Variants in PLD5 observed in about 807,000 individuals in gnomAD.
The protein encoded by PLD5 is inactive phospholipase D5.
PLD5 carries 36 observed loss-of-function variants against 61.1 expected under a neutral mutation model. The observed-to-expected ratio is 0.59, with a 90% CI of 0.45 to 0.78. The LOEUF (loss-of-function observed/expected upper bound fraction) is 0.78, where lower values mean the gene tolerates loss of function less well. Ranked by LOEUF, PLD5 falls within the 30% of genes least tolerant of loss-of-function variation. The probability of loss-of-function intolerance (pLI) is 0.00; values close to 1 mark genes in which losing one functional copy is unlikely to be tolerated. For missense variants in PLD5, 515 were observed against 644.4 expected (o/e 0.80, Z 2.17); for synonymous variants, 243 against 242.8 (o/e 1.00, Z -0.01).
At chr1:242,163,581 A>G (rs1666056159) in intron 5 of PLD5, among the ~76,000 whole-genome samples, 1 of 152,184 alleles carries the variant, frequency 6.6e-6, no homozygotes, top group Non-Finnish European at 1.5e-5. Context: ...TCATCATGTC[A>G]GAAAATAAAT....
chr1:242,254,788 C>A (rs1672925535), intron 4 of PLD5, among the ~76,000 whole-genome samples: 1 of 152,228 alleles, frequency 6.6e-6, no homozygotes, highest in Non-Finnish European at 1.5e-5. Flanking sequence ...ACAAAAGTAC[C>A]TGTTCCTAGT....
At chr1:242,305,468 C>A (rs530730517) in intron 2 of PLD5, among the ~76,000 whole-genome samples, 1 of 152,236 alleles carries the variant, frequency 6.6e-6, no homozygotes, top group East Asian at 1.9e-4. Flanking sequence ...TACATATTTC[C>A]TTCATTTCTT....
chr1:242,227,964 CT>C (rs1671060013), intron 4 of PLD5, among the ~76,000 whole-genome samples: 1 of 152,226 alleles, frequency 6.6e-6, no homozygotes, highest in South Asian at 2.1e-4. Flanking sequence ...TTTATTATCA[CT>C]TCCGTTCCGA....
At chr1:242,273,036 G>A (rs71205624) in intron 3 of PLD5, among the ~76,000 whole-genome samples, 52 of 152,088 alleles carry the variant, frequency 3.4e-4, no homozygotes, top group African/African-American at 1.2e-3. Context: ...TTTTAAGGCC[G>A]GCATGCATTA....
chr1:242,405,711 C>T (rs1334464177), intron 1 of PLD5, among the ~76,000 whole-genome samples: 1 of 151,968 alleles, frequency 6.6e-6, no homozygotes, highest in Non-Finnish European at 1.5e-5. Flanking sequence ...AAGCAATTCT[C>T]CTGCCTCAGC....
chr1:242,254,565 G>A (rs1558401172), intron 4 of PLD5, among the ~76,000 whole-genome samples: 2 of 152,128 alleles, frequency 1.3e-5, no homozygotes, highest in African/African-American at 4.8e-5. Flanking sequence ...AGCTACTCAG[G>A]AGGCTGAGGC....
At chr1:242,516,693 T>C (rs893780479) in intron 1 of PLD5, among the ~76,000 whole-genome samples, 4 of 152,224 alleles carry the variant, frequency 2.6e-5, no homozygotes, top group African/African-American at 9.6e-5. Context: ...TTGTTTATCC[T>C]TGCACCAATA....
intron 8 of PLD5, among the ~76,000 whole-genome samples, chr1:242,101,092 A>G (rs1255765099): frequency 6.6e-6 from 1 of 152,194 alleles, no homozygotes; most frequent in Admixed American, 6.5e-5. Flanking sequence ...TGTCTTATTC[A>G]TCGGGGTGCC....
rs1430127966 is a variant in PLD5, at chr1:242,425,634, T to A, written c.190-77392A>T. On this transcript the variant is annotated intron_variant, in intron 1 of 9. Transcript: ENST00000536534. ...CAATAATAAATTAACCTTAGCTTACTGTAACTTTTTTTTTTTTTTTTTTTT... is the reference window on the plus strand; with the variant it reads ...CAATAATAAATTAACCTTAGCTTACAGTAACTTTTTTTTTTTTTTTTTTTT... Among the ~76,000 whole-genome samples, 3 of 150,096 alleles carry A rather than the reference T, an allele frequency of 2.0e-5. 1 individual carries two copies. The highest frequency in any genetic ancestry group is 2.0e-4 in the Admixed American group (3 of 15,024).
At chr1:242,417,887 A>C (rs1664917544) in intron 1 of PLD5, among the ~76,000 whole-genome samples, 1 of 152,194 alleles carries the variant, frequency 6.6e-6, no homozygotes, top group Non-Finnish European at 1.5e-5. Context: ...CTTGTAGGCC[A>C]TTGCAAGCTT....
At chr1:242,254,909 A>C (rs1470062499) in intron 4 of PLD5, among the ~76,000 whole-genome samples, 1 of 152,260 alleles carries the variant, frequency 6.6e-6, no homozygotes, top group Non-Finnish European at 1.5e-5. Flanking sequence ...GCTATGAAGA[A>C]AGGTGGAAGA....
chr1:242,414,762 AC>A lies in PLD5; in HGVS notation c.190-66521del, dbSNP rs1367202680. On this transcript the variant is annotated intron_variant, in intron 1 of 9. Coordinates refer to ENST00000536534, the MANE Select transcript of PLD5 (RefSeq NM_001372062.1). Reference sequence around the variant, plus strand: ...CTCAAAATCCAGAAGAAATAAAAAAACATAGATGAATTTAATTACATAGAAA... The same window carrying A: ...CTCAAAATCCAGAAGAAATAAAAAAAATAGATGAATTTAATTACATAGAAA... 1.5e-3 allele frequency among the ~76,000 whole-genome samples: 227 copies of A among 152,352 alleles called. 1 individual carries two copies. Among genetic ancestry groups the A allele is most frequent in the East Asian group, 5.8e-4 (3 of 5,188 alleles).
chr1:242,325,771 C>A (rs1197054975), intron 2 of PLD5, among the ~76,000 whole-genome samples: 2 of 152,218 alleles, frequency 1.3e-5, no homozygotes, highest in East Asian at 3.8e-4. Context: ...CACAGACCTA[C>A]ACCTTCCCTG....
chr1:242,334,375 T>C (rs1478894831), intron 2 of PLD5, among the ~76,000 whole-genome samples: 1 of 152,128 alleles, frequency 6.6e-6, no homozygotes, highest in Non-Finnish European at 1.5e-5. Context: ...CATCAACAAC[T>C]GAAGTTTAAT....
At chr1:242,130,071 A>G (rs1357245828) in intron 5 of PLD5, among the ~76,000 whole-genome samples, 1 of 135,788 alleles carries the variant, frequency 7.4e-6, no homozygotes, top group African/African-American at 2.8e-5. Context: ...TTTTTTTTTG[A>G]GATGGAGTCT....
chr1:242,401,555 A>G, intron 1 of PLD5, among the ~76,000 whole-genome samples: 1 of 152,094 alleles, frequency 6.6e-6, no homozygotes, highest in East Asian at 1.9e-4. Context: ...CCACCTCAGC[A>G]TTCTTCAGCC....
chr1:242,456,564 T>C (rs1318804686), intron 1 of PLD5, among the ~76,000 whole-genome samples: 1 of 152,168 alleles, frequency 6.6e-6, no homozygotes, highest in Non-Finnish European at 1.5e-5. Flanking sequence ...AGTTTGCATA[T>C]TTAGAATTAC....
upstream of PLD5, among the ~76,000 whole-genome samples, chr1:242,529,096 CAT>C (rs1409006647): frequency 1.3e-5 from 2 of 152,152 alleles, no homozygotes; most frequent in Non-Finnish European, 2.9e-5. Context: ...TTCCTAACCA[CAT>C]ATGTTAATTA....
chr1:242,515,504 C>T (rs145355231), intron 1 of PLD5, among the ~76,000 whole-genome samples: 24 of 152,340 alleles, frequency 1.6e-4, no homozygotes, highest in African/African-American at 5.3e-4. Flanking sequence ...TGTGCCACCA[C>T]GCCTGGCCAG....
Sources: gnomAD v4.1 joint callset for allele counts (sites outside exome capture counted in the v4.1 genomes callset) on GRCh38, gnomAD v4.1.1 for gene constraint, MANE v1.5 for transcripts, NCBI Gene and HGNC (gene_info 2026-07-23, HGNC 2026-07-21) for gene names.